STXBP5: variants seen among roughly 807,000 people sequenced by gnomAD.
STXBP5 encodes syntaxin binding protein 5.
A neutral mutation model predicts 152.4 loss-of-function variants in STXBP5; 50 were observed. The observed-to-expected ratio is 0.33, with a 90% CI of 0.26 to 0.42. STXBP5 has a LOEUF of 0.42. Among genes scored for constraint, STXBP5 ranks in the 10% least tolerant of loss-of-function variants. STXBP5 has a pLI of 1.00. For missense variants in STXBP5, 1,167 were observed against 1,388.6 expected (o/e 0.84, Z 2.54); for synonymous variants, 492 against 494.7 (o/e 0.99, Z 0.07).
chr6:147,309,955 C>A, intron 9 of STXBP5, 129 bp from the exon 10 acceptor site: 1 of 604,848 alleles, frequency 1.7e-6, no homozygotes, highest in Non-Finnish European at 2.5e-6. Flanking sequence ...TGAGACAATT[C>A]AATTATATGA....
intron 9 of STXBP5, among the ~76,000 whole-genome samples, chr6:147,291,763 A>G (rs1166485637): frequency 2.0e-5 from 3 of 152,126 alleles, no homozygotes; most frequent in Non-Finnish European, 4.4e-5. Context: ...AAAACATAAA[A>G]TATCTGTGAA....
intron 25 of STXBP5, among the ~76,000 whole-genome samples, chr6:147,369,289 T>C (rs1286616476): frequency 6.6e-6 from 1 of 152,024 alleles, no homozygotes; most frequent in Non-Finnish European, 1.5e-5. Context: ...TCAGCTTTGA[T>C]CCACGCTTCA....
At chr6:147,310,020 T>G (rs1310076173) in intron 9 of STXBP5, 64 bp from the exon 10 acceptor site, 2 of 1,140,280 alleles carry the variant, frequency 1.8e-6, no homozygotes, top group Non-Finnish European at 2.4e-6. Flanking sequence ...TAAAAAATTA[T>G]GATGTAGCAA....
chr6:147,271,258 G>T (rs1487264168), intron 7 of STXBP5, among the ~76,000 whole-genome samples: 1 of 152,048 alleles, frequency 6.6e-6, no homozygotes, highest in Middle Eastern at 3.2e-3. Context: ...AAAAAAGATA[G>T]ATGGAAAAAG....
intron 16 of STXBP5, among the ~76,000 whole-genome samples, chr6:147,318,922 A>G (rs970245068): frequency 4.6e-5 from 7 of 152,112 alleles, no homozygotes; most frequent in African/African-American, 1.7e-4. Flanking sequence ...ACTGAATTTA[A>G]TCAACTTAAC....
At position 147,313,987 on chromosome 6, in the gene STXBP5, T is replaced by G. The variant is rs755841773; in HGVS notation, c.1249T>G (p.Tyr417Asp). 8 of 1,601,694 alleles carry G rather than the reference T, an allele frequency of 5.0e-6. No individual in the cohort carries two copies. The highest frequency in any genetic ancestry group is 6.8e-6 in the Non-Finnish European group (8 of 1,172,002). Residue 417 changes from tyrosine (Y) to aspartate (D), a missense_variant, in exon 12 of 28, where the codon TAT becomes GAT. Transcript: ENST00000321680. Reference sequence around the variant, plus strand: ...TCCTGTGGACCTTATTCCTGCACTTTATTCTGTTGGAGCTAGACAGAAACG... The same window carrying G: ...TCCTGTGGACCTTATTCCTGCACTTGATTCTGTTGGAGCTAGACAGAAACG... ...DCPVDLIPAL[Y>D]SVGARQKRQG...
intron 7 of STXBP5, among the ~76,000 whole-genome samples, chr6:147,268,004 A>G (rs1271326728): frequency 1.3e-5 from 2 of 152,326 alleles, no homozygotes; most frequent in South Asian, 2.1e-4. Context: ...GACAGTTCAT[A>G]TAGCAAAGGC....
chr6:147,353,606 CAT>C (rs1291143163), intron 22 of STXBP5, among the ~76,000 whole-genome samples: 1 of 152,130 alleles, frequency 6.6e-6, no homozygotes, highest in Admixed American at 6.6e-5. Flanking sequence ...TTAGCCCTCT[CAT>C]AGTTTGTCTG....
intron 3 of STXBP5, among the ~76,000 whole-genome samples, chr6:147,237,134 G>A (rs1398445907): frequency 2.0e-5 from 3 of 152,036 alleles, no homozygotes; most frequent in Non-Finnish European, 4.4e-5. Flanking sequence ...TTGAGCCAAT[G>A]TTAATAAAAT....
At position 147,304,028 on chromosome 6, in the gene STXBP5, A is replaced by T. The variant is rs557479210; in HGVS notation, c.918-6056A>T. Among the ~76,000 whole-genome samples, 6 of 152,342 alleles carry T rather than the reference A, an allele frequency of 3.9e-5. No individual in the cohort carries two copies. In the South Asian group the frequency reaches 1.2e-3, roughly 32 times the overall value. On this transcript the variant is annotated intron_variant, in intron 9 of 27. Transcript: ENST00000321680. The stretch of plus-strand genomic sequence containing the variant: ...AGCCTGATGATGTTCTAGAAAAGAA[A>T]AACCCATTTTCTGGGAAGAAATTCA...
At chr6:147,226,988 C>T (rs1036477180) in intron 2 of STXBP5, among the ~76,000 whole-genome samples, 3 of 152,054 alleles carry the variant, frequency 2.0e-5, no homozygotes, top group East Asian at 3.9e-4. Context: ...TTTTTCTTGC[C>T]ACACAAGTCT....
intron 25 of STXBP5, 66 bp downstream of exon 25, chr6:147,364,232 GTC>G: frequency 7.2e-7 from 1 of 1,396,682 alleles, no homozygotes; most frequent in Non-Finnish European, 9.8e-7. Flanking sequence ...CCCGTATACT[GTC>G]TGCCCCTTAT....
chr6:147,250,900 G>A (rs150551013), intron 4 of STXBP5, among the ~76,000 whole-genome samples: 3,572 of 149,958 alleles, frequency 0.024, 119 homozygotes, highest in African/African-American at 0.083. Flanking sequence ...CCTGGGAGGC[G>A]GAGGTTGCAG....
rs1776432233 is a variant in STXBP5 at position 147,204,501 on chromosome 6, C to A, written c.-32C>A. On this transcript the variant is annotated 5_prime_UTR_variant, in exon 1 of 28. Coordinates refer to ENST00000321680, the MANE Select transcript of STXBP5 (RefSeq NM_001127715.4). The surrounding 1 kb of genome is among the most constrained non-coding windows in gnomAD (Gnocchi z 4.3). ...CGCCCGGGGACCCCCTGTGCCTCCC[C>A]TCCCGGGCTGCGGGGGAGCCCCTCC... 6.2e-6 allele frequency: 10 copies of A among 1,607,852 alleles called. No homozygotes were observed. Among genetic ancestry groups the A allele is most frequent in the South Asian group, 1.1e-5 (1 of 90,512 alleles).
chr6:147,267,420 A>C (rs574026153), intron 7 of STXBP5, among the ~76,000 whole-genome samples: 1 of 152,204 alleles, frequency 6.6e-6, no homozygotes, highest in Non-Finnish European at 1.5e-5. Context: ...CCAAAGAGAC[A>C]CTGTGCATTT....
chr6:147,295,860 G>A (rs1582904432), intron 9 of STXBP5, among the ~76,000 whole-genome samples: 1 of 152,162 alleles, frequency 6.6e-6, no homozygotes, highest in Admixed American at 6.5e-5. Flanking sequence ...GCTATAGTAT[G>A]GTGCCATCTT....
intron 25 of STXBP5, among the ~76,000 whole-genome samples, chr6:147,368,288 C>A (rs771722581): frequency 6.6e-6 from 1 of 151,722 alleles, no homozygotes; most frequent in Non-Finnish European, 1.5e-5. Flanking sequence ...AAATTGAATT[C>A]AGCAATATAT....
At chr6:147,340,029 C>T (rs952479953) in intron 21 of STXBP5, among the ~76,000 whole-genome samples, 1 of 151,956 alleles carries the variant, frequency 6.6e-6, no homozygotes, top group Non-Finnish European at 1.5e-5. Context: ...GTTTCAAGGT[C>T]ACGAAAGTTC....
At chr6:147,372,580 G>A (rs376475732) in intron 25 of STXBP5, among the ~76,000 whole-genome samples, 3 of 150,966 alleles carry the variant, frequency 2.0e-5, no homozygotes, top group African/African-American at 4.9e-5. Context: ...GATTACAGGC[G>A]CAGGCCACCA....
Sources: gnomAD v4.1 joint callset for allele counts (sites outside exome capture counted in the v4.1 genomes callset) on GRCh38, gnomAD v4.1.1 for gene constraint, Gnocchi (gnomAD v3.1) non-coding constraint, MANE v1.5 for transcripts, NCBI Gene and HGNC (gene_info 2026-07-23, HGNC 2026-07-21) for gene names.